The following RSPRY1 variants were observed in gnomAD, a reference collection of about 807,000 sequenced individuals.
RSPRY1 encodes RING finger and SPRY domain-containing protein 1.
Under a neutral mutation model 73.1 loss-of-function variants are expected in RSPRY1, and 23 were observed. The ratio of observed to expected loss-of-function variants is 0.31; its 90% CI spans 0.23 to 0.45. The LOEUF is 0.45. RSPRY1 is among the 20% of genes least tolerant of loss of function. The pLI, the probability that RSPRY1 is intolerant of heterozygous loss-of-function variation, is 1.00. For missense variants in RSPRY1, 448 were observed against 698.7 expected, an observed-to-expected ratio of 0.64 and a Z score of 4.05; for synonymous variants, 226 against 251.4, an observed-to-expected ratio of 0.90 and a Z score of 0.95.
At chr16:57,202,077 T>G (rs1350347588) in intron 1 of RSPRY1, among the ~76,000 whole-genome samples, 2 of 151,948 alleles carry the variant, frequency 1.3e-5, no homozygotes, top group African/African-American at 2.4e-5. Flanking sequence ...ATCCCAATAC[T>G]TGGGAGGCCA....
At chr16:57,216,276 T>A in intron 7 of RSPRY1, 103 bp downstream of exon 7, 1 of 811,782 alleles carries the variant, frequency 1.2e-6, no homozygotes, top group Non-Finnish European at 2.1e-6. Flanking sequence ...CCCCATCAGA[T>A]GGGCATACAT....
chr16:57,222,374 A>G (rs1042037417), intron 10 of RSPRY1, among the ~76,000 whole-genome samples: 4 of 152,224 alleles, frequency 2.6e-5, no homozygotes, highest in South Asian at 4.1e-4. Context: ...GACTACAGGC[A>G]CATCCCATGG....
At chr16:57,203,251 A>T (rs2074659115) in intron 1 of RSPRY1, among the ~76,000 whole-genome samples, 1 of 152,156 alleles carries the variant, frequency 6.6e-6, no homozygotes, top group Non-Finnish European at 1.5e-5. Flanking sequence ...AGCTAAGATC[A>T]TACCACTGCA....
At chr16:57,227,016 C>T (rs2075130821) in intron 10 of RSPRY1, among the ~76,000 whole-genome samples, 1 of 152,178 alleles carries the variant, frequency 6.6e-6, no homozygotes, top group African/African-American at 2.4e-5. Context: ...TGGTTGACCT[C>T]TTTGAGCCTT....
chr16:57,200,949 G>T (rs1295177216), intron 1 of RSPRY1, among the ~76,000 whole-genome samples: 1 of 13,040 alleles, frequency 7.7e-5, no homozygotes, highest in Non-Finnish European at 1.7e-4. Flanking sequence ...CGGCTGGCCG[G>T]GGGGGGGGGG....
At chr16:57,235,277 A>T in intron 14 of RSPRY1, 49 bp downstream of exon 14, 1 of 1,321,066 alleles carries the variant, frequency 7.6e-7, no homozygotes. Context: ...TTAAATTGCT[A>T]GTTCCATGGC....
intron 13 of RSPRY1, 133 bp from the exon 14 acceptor site, chr16:57,234,991 A>C: frequency 4.7e-6 from 3 of 632,054 alleles, no homozygotes; most frequent in Non-Finnish European, 8.5e-6. Context: ...GATGGCATGT[A>C]TGAAAACCTT....
chr16:57,198,381 CT>C (rs1362761954), intron 1 of RSPRY1, among the ~76,000 whole-genome samples: 2 of 126,430 alleles, frequency 1.6e-5, no homozygotes, highest in Non-Finnish European at 3.6e-5. Flanking sequence ...AAGACTCCGT[CT>C]CAAAAAAAAA....
chr16:57,215,575 C>G (rs978001481), intron 6 of RSPRY1, among the ~76,000 whole-genome samples: 1 of 152,144 alleles, frequency 6.6e-6, no homozygotes, highest in African/African-American at 2.4e-5. Flanking sequence ...TAAAAGAGTT[C>G]ACTTGTTGCT....
intron 1 of RSPRY1, among the ~76,000 whole-genome samples, chr16:57,197,957 C>T (rs2074482048): frequency 7.8e-6 from 1 of 128,200 alleles, no homozygotes; most frequent in African/African-American, 2.9e-5. Context: ...GCCTCCTGGG[C>T]TCAAGCAATC....
intron 10 of RSPRY1, among the ~76,000 whole-genome samples, chr16:57,225,610 C>T (rs1436694748): frequency 6.6e-6 from 1 of 152,172 alleles, no homozygotes; most frequent in Non-Finnish European, 1.5e-5. Context: ...TTGGATTTGG[C>T]CATTTTCAAT....
chr16:57,208,730 G>T (rs1490144882), intron 3 of RSPRY1, among the ~76,000 whole-genome samples: 3 of 152,012 alleles, frequency 2.0e-5, no homozygotes, highest in African/African-American at 7.2e-5. Flanking sequence ...AGTTTCCTAA[G>T]TATCATTCTG....
intron 1 of RSPRY1, among the ~76,000 whole-genome samples, chr16:57,202,561 G>A (rs543791434): frequency 6.8e-4 from 104 of 152,144 alleles, no homozygotes; most frequent in Non-Finnish European, 1.3e-3. Flanking sequence ...TTGTTACTTC[G>A]ACTCTGCTGG....
intron 1 of RSPRY1, among the ~76,000 whole-genome samples, chr16:57,196,657 G>T (rs2074452859): frequency 6.6e-6 from 1 of 152,190 alleles, no homozygotes; most frequent in South Asian, 2.1e-4. Context: ...GAAAATATAG[G>T]TAAGTATAGG....
At chr16:57,217,931 G>A (rs1439998294) in intron 8 of RSPRY1, among the ~76,000 whole-genome samples, 1 of 152,162 alleles carries the variant, frequency 6.6e-6, no homozygotes, top group Non-Finnish European at 1.5e-5. Flanking sequence ...TTTGGATTTT[G>A]TTCATACAAA....
chr16:57,238,843 C>G (rs1376083389), intron 14 of RSPRY1, 36 bp from the exon 15 acceptor site: 1 of 1,271,180 alleles, frequency 7.9e-7, no homozygotes, highest in South Asian at 1.5e-5. Flanking sequence ...CCTTTTGAAG[C>G]ATTAACTTGA....
chr16:57,191,941 C>T (rs1430360680), intron 1 of RSPRY1, among the ~76,000 whole-genome samples: 1 of 152,144 alleles, frequency 6.6e-6, no homozygotes, highest in Non-Finnish European at 1.5e-5. Context: ...ACCCCAGCTC[C>T]CTTTGTCAGG....
intron 1 of RSPRY1, among the ~76,000 whole-genome samples, chr16:57,202,548 A>G (rs1306710295): frequency 2.6e-5 from 4 of 152,206 alleles, no homozygotes; most frequent in Non-Finnish European, 4.4e-5. Context: ...AGTAATGGCA[A>G]TGTTGTTACT....
In RSPRY1 at chr16:57,209,194, T is replaced by A; in HGVS notation, c.516+7T>A. The A allele has an allele frequency of 6.6e-7, 1 of 1,520,598 alleles. No homozygotes were observed. The highest frequency in any genetic ancestry group is 1.7e-5 in the Admixed American group (1 of 57,742). The allele number at this position is 1,520,598 out of a possible 1,614,324, so 94.2% of individuals were successfully genotyped here. On this transcript the variant is annotated splice_region_variant and intron_variant, in intron 4 of 14. Transcript: ENST00000394420. ...ATGTCCATTGCCCACTAAAGTAAGT[T>A]AATACTTATCTTTTATGAAACTATC...
Sources: allele counts gnomAD v4.1 joint callset (sites outside exome capture counted in the v4.1 genomes callset), GRCh38; gene constraint gnomAD v4.1.1; transcripts MANE v1.5; gene names NCBI Gene and HGNC (gene_info 2026-07-23, HGNC 2026-07-21).